NUDT3: variants seen among roughly 807,000 people sequenced by gnomAD.
NUDT3 encodes diphosphoinositol polyphosphate phosphohydrolase 1.
A neutral mutation model predicts 23.6 loss-of-function variants in NUDT3; 9 were observed. The ratio of observed to expected loss-of-function variants is 0.38; its 90% CI spans 0.23 to 0.66. The LOEUF (loss-of-function observed/expected upper bound fraction) is 0.66. NUDT3 is among the 30% of genes least tolerant of loss of function. NUDT3 has a pLI of 0.52. For missense variants in NUDT3, 172 were observed against 218.5 expected, an observed-to-expected ratio of 0.79 and a Z score of 1.34; for synonymous variants, 86 against 82.6, an observed-to-expected ratio of 1.04 and a Z score of -0.22.
At chr6:34,384,157 CA>C (rs1314406210) in intron 1 of NUDT3, among the ~76,000 whole-genome samples, 1 of 152,192 alleles carries the variant, frequency 6.6e-6, no homozygotes, top group East Asian at 1.9e-4. Flanking sequence ...ATTTTACAGA[CA>C]AACAGGCCAC....
intron 2 of NUDT3, among the ~76,000 whole-genome samples, chr6:34,327,264 G>A (rs1764052901): frequency 6.6e-6 from 1 of 151,892 alleles, no homozygotes; most frequent in Non-Finnish European, 1.5e-5. Flanking sequence ...CGGGCGCGGT[G>A]GCTCACCTGT....
chr6:34,366,626 T>C (rs1222372925), intron 1 of NUDT3, among the ~76,000 whole-genome samples: 6 of 151,566 alleles, frequency 4.0e-5, no homozygotes, highest in East Asian at 1.9e-4. Context: ...GGCATGATCA[T>C]AGCTCACTGC....
intron 2 of NUDT3, among the ~76,000 whole-genome samples, chr6:34,298,578 T>A (rs1018306835): frequency 2.0e-5 from 3 of 152,150 alleles, no homozygotes; most frequent in African/African-American, 7.2e-5. Flanking sequence ...ATTTTTCACT[T>A]CTAATTAGTC....
chr6:34,373,606 T>A (rs1764872655), intron 1 of NUDT3, among the ~76,000 whole-genome samples: 1 of 152,146 alleles, frequency 6.6e-6, no homozygotes. Flanking sequence ...GGAAGACTAC[T>A]AAAACTGCCT....
intron 1 of NUDT3, among the ~76,000 whole-genome samples, chr6:34,380,127 A>C (rs1482210211): frequency 6.6e-6 from 1 of 152,094 alleles, no homozygotes; most frequent in Non-Finnish European, 1.5e-5. Context: ...CTTGTTGCCC[A>C]GACTGGAGTG....
chr6:34,311,996 T>C (rs1463205861), intron 2 of NUDT3, among the ~76,000 whole-genome samples: 5 of 152,160 alleles, frequency 3.3e-5, no homozygotes, highest in Non-Finnish European at 5.9e-5. Context: ...AGGGAAAATA[T>C]AGGTGATCGT....
At chr6:34,360,947 GAGCAGT>G (rs1347005652) in intron 1 of NUDT3, among the ~76,000 whole-genome samples, 2 of 152,304 alleles carry the variant, frequency 1.3e-5, no homozygotes, top group Non-Finnish European at 1.5e-5. Context: ...ATGGGGCCAG[GAGCAGT>G]AGCTCATACT....
intron 2 of NUDT3, among the ~76,000 whole-genome samples, chr6:34,321,507 T>A (rs1286490911): frequency 6.6e-6 from 1 of 152,260 alleles, no homozygotes. Context: ...GAATTAGTTT[T>A]AAAATCTTGG....
At chr6:34,382,581 G>A (rs765107186) in intron 1 of NUDT3, among the ~76,000 whole-genome samples, 9 of 151,196 alleles carry the variant, frequency 6.0e-5, no homozygotes, top group South Asian at 2.1e-4. Flanking sequence ...CAAGGCAGGA[G>A]GGCTGCTGCT....
chr6:34,333,278 C>T (rs1002379499), intron 2 of NUDT3, among the ~76,000 whole-genome samples: 4 of 152,174 alleles, frequency 2.6e-5, no homozygotes, highest in African/African-American at 9.7e-5. Context: ...AGCCAATATG[C>T]TAAAATTTTT....
chr6:34,356,290 G>A (rs547241975), intron 1 of NUDT3, among the ~76,000 whole-genome samples: 1 of 152,266 alleles, frequency 6.6e-6, no homozygotes, highest in East Asian at 1.9e-4. Flanking sequence ...CCATTTCATT[G>A]AAAATACTGA....
chr6:34,299,006 C>G (rs973327930), intron 2 of NUDT3, among the ~76,000 whole-genome samples: 1 of 152,206 alleles, frequency 6.6e-6, no homozygotes, highest in African/African-American at 2.4e-5. Flanking sequence ...TTCTCCCAGA[C>G]AGCTTACCTT....
At chr6:34,348,313 C>T (rs1191237511) in intron 1 of NUDT3, among the ~76,000 whole-genome samples, 1 of 150,852 alleles carries the variant, frequency 6.6e-6, no homozygotes, top group Non-Finnish European at 1.5e-5. Context: ...CAACAGAAAC[C>T]GCCCCCCACC....
At chr6:34,363,962 A>G (rs115483201) in intron 1 of NUDT3, among the ~76,000 whole-genome samples, 14,654 of 152,020 alleles carry the variant, frequency 0.096, 808 homozygotes, top group Non-Finnish European at 0.12. Context: ...TAGTAGAGAC[A>G]GGGTTTCACC....
intron 1 of NUDT3, among the ~76,000 whole-genome samples, chr6:34,352,380 G>A (rs1764491821): frequency 6.6e-6 from 1 of 152,102 alleles, no homozygotes; most frequent in South Asian, 2.1e-4. Context: ...GCGTTCCACA[G>A]GCTGGTCTCA....
At chr6:34,351,756 A>G (rs1238678808) in intron 1 of NUDT3, among the ~76,000 whole-genome samples, 1 of 139,280 alleles carries the variant, frequency 7.2e-6, no homozygotes, top group Non-Finnish European at 1.6e-5. Context: ...AAAAAAAAAA[A>G]AAAAAAGAAA....
At position 34,392,413 on chromosome 6, in the gene NUDT3, G is replaced by T. The variant is rs1431695204; in HGVS notation, c.-51C>A. On this transcript the variant is annotated 5_prime_UTR_variant, in exon 1 of 5. Coordinates refer to ENST00000607016, the MANE Select transcript of NUDT3 (RefSeq NM_006703.4). ...TGCGGGTCGCAGGAGTCGAGGGGTG[G>T]GGAGCCCGCTCTGGACGGCCGCGTG... The T allele has an allele frequency of 3.4e-6, 5 of 1,456,836 alleles. No individual in the cohort carries two copies. Among genetic ancestry groups the T allele is most frequent in the Non-Finnish European group, 3.8e-6 (4 of 1,065,690 alleles). 90.2% of individuals were successfully genotyped at this position (1,456,836 alleles called of 1,614,324 possible).
intron 3 of NUDT3, 132 bp from the exon 4 acceptor site, chr6:34,293,667 CCTACAGTTATAG>C: frequency 9.7e-7 from 1 of 1,028,458 alleles, no homozygotes; most frequent in Non-Finnish European, 1.4e-6. Context: ...TTTTTATGGT[CCTACAGTTATAG>C]CTACATGATT....
intron 1 of NUDT3, among the ~76,000 whole-genome samples, chr6:34,360,046 A>G (rs1173804861): frequency 6.6e-6 from 1 of 151,960 alleles, no homozygotes; most frequent in Non-Finnish European, 1.5e-5. Context: ...CTGACAAAAT[A>G]GAAAAACCCC....
Sources: gnomAD v4.1 joint callset for allele counts (sites outside exome capture counted in the v4.1 genomes callset) on GRCh38, gnomAD v4.1.1 for gene constraint, MANE v1.5 for transcripts, NCBI Gene and HGNC (gene_info 2026-07-23, HGNC 2026-07-21) for gene names.